The following ABCC9 variants were observed in gnomAD, a reference collection of about 807,000 sequenced individuals.
ABCC9 encodes ATP binding cassette subfamily C member 9, also known as ATP-binding cassette sub-family C member 9.
A neutral mutation model predicts 188.3 loss-of-function variants in ABCC9; 95 were observed. The observed-to-expected ratio is 0.50, with a 90% CI of 0.43 to 0.60. The LOEUF is 0.60. Ranked by LOEUF, ABCC9 falls within the 20% of genes least tolerant of loss-of-function variation. The pLI is 0.00. For missense variants in ABCC9, 1,102 were observed against 1,876.3 expected (o/e 0.59, Z 7.62); for synonymous variants, 659 against 652.7 (o/e 1.01, Z -0.15).
At chr12:21,902,802 G>C (rs1227487890) in intron 12 of ABCC9, among the ~76,000 whole-genome samples, 2 of 152,094 alleles carry the variant, frequency 1.3e-5, no homozygotes, top group African/African-American at 4.8e-5. Flanking sequence ...ATAATTAATA[G>C]CCTACCAACC....
intron 33 of ABCC9, 146 bp from the exon 34 acceptor site, chr12:21,816,039 T>G (rs1591963829): frequency 1.8e-4 from 3 of 17,028 alleles, no homozygotes; most frequent in African/African-American, 4.2e-4. Context: ...TGTGGCAGTT[T>G]TTTTTTTTTT....
At chr12:21,931,172 T>C (rs1047534266) in intron 4 of ABCC9, among the ~76,000 whole-genome samples, 1 of 152,080 alleles carries the variant, frequency 6.6e-6, no homozygotes, top group Non-Finnish European at 1.5e-5. Flanking sequence ...TGGGAGGTGA[T>C]TAGATAATGG....
Position 21,817,171 on chromosome 12 carries a change from A to G in ABCC9, c.3892+16T>C. ...AATAAATATTTAAGTGAGACAAACA[A>G]TATTTAGAGCAATACCCATTGTGCC... On this transcript the variant is annotated intron_variant, in intron 33 of 39. Transcript: ENST00000261200. 1 of 1,612,308 alleles carries G rather than the reference A, an allele frequency of 6.2e-7. No individual in the cohort carries two copies. The highest frequency in any genetic ancestry group is 1.7e-5 in the Admixed American group (1 of 59,978).
chr12:21,812,846 A>G (rs980400544), intron 35 of ABCC9, among the ~76,000 whole-genome samples: 22 of 152,200 alleles, frequency 1.4e-4, no homozygotes, highest in Admixed American at 2.6e-4. Flanking sequence ...CTTAAAGTAT[A>G]ATAAAAAAAA....
intron 7 of ABCC9, among the ~76,000 whole-genome samples, 156 bp downstream of exon 7, chr12:21,915,512 A>AT (rs1254915972): frequency 2.6e-3 from 1 of 380 alleles, no homozygotes; most frequent in Non-Finnish European, 7.8e-3. Flanking sequence ...ATATATATAT[A>AT]TATTTTTTTT....
At chr12:21,801,549 C>T (rs1941433388) in intron 39 of ABCC9, among the ~76,000 whole-genome samples, 1 of 152,166 alleles carries the variant, frequency 6.6e-6, no homozygotes, top group Non-Finnish European at 1.5e-5. Context: ...CAATAATTAT[C>T]TCTTGTGTAC....
Position 21,805,442 on chromosome 12 carries a change from G to A in ABCC9, c.4512+556C>T, listed in dbSNP as rs932441231. 166 of 811,130 alleles carry A rather than the reference G, an allele frequency of 2.0e-4. No homozygotes were observed. The African/African-American group carries it at 2.6e-3, about 13-fold the overall frequency. The allele number at this position is 811,130 out of a possible 1,614,324, so 50.2% of individuals were successfully genotyped here. On this transcript the variant is annotated intron_variant, in intron 39 of 39. Coordinates refer to ENST00000261200, the MANE Select transcript of ABCC9 (RefSeq NM_020297.4). ...ATCCACTTGCAAAGAGGAAAAGGCA[G>A]AAAACTGTGGACTACTGTAAGTGAG...
intron 4 of ABCC9, among the ~76,000 whole-genome samples, chr12:21,928,055 A>G (rs921530761): frequency 2.0e-5 from 3 of 152,034 alleles, no homozygotes; most frequent in East Asian, 1.9e-4. Flanking sequence ...CTCCATCTCT[A>G]TTAAAAATAC....
intron 16 of ABCC9, among the ~76,000 whole-genome samples, chr12:21,881,063 T>C (rs1283630397): frequency 1.3e-5 from 2 of 151,844 alleles, no homozygotes; most frequent in East Asian, 1.9e-4. Context: ...TATACACATA[T>C]TTAAACTTTT....
chr12:21,849,554 A>G (rs1480671098), intron 24 of ABCC9, among the ~76,000 whole-genome samples: 1 of 152,208 alleles, frequency 6.6e-6, no homozygotes, highest in Non-Finnish European at 1.5e-5. Flanking sequence ...TTCCAGTTCG[A>G]TTCCCCATGC....
chr12:21,898,573 T>G (rs1947548961), intron 12 of ABCC9, among the ~76,000 whole-genome samples: 1 of 152,186 alleles, frequency 6.6e-6, no homozygotes, highest in Non-Finnish European at 1.5e-5. Flanking sequence ...AAAAGAAATG[T>G]TTATAATCTT....
At chr12:21,895,138 C>G (rs1947339127) in intron 13 of ABCC9, 137 bp downstream of exon 13, 1 of 735,404 alleles carries the variant, frequency 1.4e-6, no homozygotes, top group Admixed American at 2.6e-5. Flanking sequence ...TGGATTAGAA[C>G]TCTTGCAATG....
chr12:21,901,388 T>C (rs1046076094), intron 12 of ABCC9, among the ~76,000 whole-genome samples: 1 of 152,102 alleles, frequency 6.6e-6, no homozygotes, highest in African/African-American at 2.4e-5. Flanking sequence ...AGGAAGAAAC[T>C]GCATCAACTA....
At chr12:21,846,306 A>G (rs1227277448) in intron 25 of ABCC9, among the ~76,000 whole-genome samples, 1 of 152,196 alleles carries the variant, frequency 6.6e-6, no homozygotes, top group Non-Finnish European at 1.5e-5. Context: ...GGGCAAAGCC[A>G]GGGGACACAA....
chr12:21,908,921 G>GTC (rs201633115), intron 10 of ABCC9, among the ~76,000 whole-genome samples: 3 of 151,482 alleles, frequency 2.0e-5, no homozygotes, highest in South Asian at 2.1e-4. Context: ...TGCTATCCTA[G>GTC]TCTCTCTCTC....
At chr12:21,866,620 A>T (rs1290605758) in intron 18 of ABCC9, among the ~76,000 whole-genome samples, 1 of 152,200 alleles carries the variant, frequency 6.6e-6, no homozygotes, top group Non-Finnish European at 1.5e-5. Context: ...TTTGCATATA[A>T]ATGGTGTGCA....
intron 15 of ABCC9, among the ~76,000 whole-genome samples, chr12:21,886,940 G>A (rs1946903575): frequency 6.6e-6 from 1 of 152,064 alleles, no homozygotes; most frequent in Admixed American, 6.6e-5. Flanking sequence ...TCTTGGAAAT[G>A]ACCACCCTGC....
At chr12:21,819,989 G>A (rs1028550982) in intron 31 of ABCC9, among the ~76,000 whole-genome samples, 2 of 152,062 alleles carry the variant, frequency 1.3e-5, no homozygotes, top group African/African-American at 4.8e-5. Context: ...TAACTACATG[G>A]ATGCAGAGAA....
At chr12:21,850,856 C>G (rs1944928633) in intron 24 of ABCC9, among the ~76,000 whole-genome samples, 1 of 152,106 alleles carries the variant, frequency 6.6e-6, no homozygotes, top group Non-Finnish European at 1.5e-5. Context: ...GTACCTGATA[C>G]TGTTTTGGGG....
Sources: gnomAD v4.1 joint callset for allele counts (sites outside exome capture counted in the v4.1 genomes callset) on GRCh38, gnomAD v4.1.1 for gene constraint, MANE v1.5 for transcripts, NCBI Gene and HGNC (gene_info 2026-07-23, HGNC 2026-07-21) for gene names.